The following GLCCI1 variants were observed in gnomAD, a reference collection of about 807,000 sequenced individuals.
The protein encoded by GLCCI1 is glucocorticoid induced 1.
A neutral mutation model predicts 52.2 loss-of-function variants in GLCCI1; 24 were observed. That is an observed-to-expected ratio of 0.46 (90% CI 0.33 to 0.65). The LOEUF (loss-of-function observed/expected upper bound fraction) is 0.65. Among genes scored for constraint, GLCCI1 ranks in the 30% least tolerant of loss-of-function variants. GLCCI1 has a pLI of 0.02. For missense variants in GLCCI1, 704 were observed against 701.5 expected, an observed-to-expected ratio of 1.00 and a Z score of -0.04; for synonymous variants, 310 against 276.5, an observed-to-expected ratio of 1.12 and a Z score of -1.20.
intron 2 of GLCCI1, 61 bp from the exon 3 acceptor site, chr7:8,022,422 G>C: frequency 2.2e-6 from 2 of 926,722 alleles, no homozygotes; most frequent in Non-Finnish European, 3.0e-6. Flanking sequence ...TGTTTCAGTT[G>C]CTTGAGATTA....
intron 6 of GLCCI1, chr7:8,084,645 T>A (rs1430310024): frequency 1.3e-5 from 5 of 389,344 alleles, no homozygotes; most frequent in Non-Finnish European, 2.3e-5. Context: ...ACAGCTCTGT[T>A]GTATTCAAAA....
At chr7:7,996,647 C>T (rs1780943418) in intron 1 of GLCCI1, among the ~76,000 whole-genome samples, 1 of 152,170 alleles carries the variant, frequency 6.6e-6, no homozygotes, top group Admixed American at 6.5e-5. Flanking sequence ...GAATCATGCC[C>T]AAATAGCTGC....
chr7:8,055,814 C>A, intron 4 of GLCCI1: 1 of 207,608 alleles, frequency 4.8e-6, no homozygotes, highest in South Asian at 7.7e-5. Flanking sequence ...AGGGTGAAAC[C>A]GTGTCTCTAC....
chr7:7,971,003 T>G (rs2240857), intron 1 of GLCCI1, among the ~76,000 whole-genome samples: 22,090 of 152,158 alleles, frequency 0.15, 1,748 homozygotes, highest in East Asian at 0.24. Context: ...TGCATTATGA[T>G]ACATTGCAGT....
At chr7:7,988,117 T>C (rs1780773386) in intron 1 of GLCCI1, among the ~76,000 whole-genome samples, 1 of 152,144 alleles carries the variant, frequency 6.6e-6, no homozygotes, top group Non-Finnish European at 1.5e-5. Flanking sequence ...GTCTTTCATC[T>C]CCATATGGCC....
At chr7:8,073,954 A>C (rs1418789330) in intron 6 of GLCCI1, among the ~76,000 whole-genome samples, 1 of 152,214 alleles carries the variant, frequency 6.6e-6, no homozygotes, top group Non-Finnish European at 1.5e-5. Context: ...CTAGTTCTCA[A>C]ATCAAATACC....
chr7:8,069,242 G>A (rs1014382406), intron 5 of GLCCI1, among the ~76,000 whole-genome samples: 7 of 152,160 alleles, frequency 4.6e-5, no homozygotes, highest in African/African-American at 1.4e-4. Context: ...CAGAACTGCT[G>A]CCAGTCGGTG....
At chr7:8,032,147 T>C (rs1230989863) in intron 3 of GLCCI1, among the ~76,000 whole-genome samples, 1 of 151,890 alleles carries the variant, frequency 6.6e-6, no homozygotes, top group Non-Finnish European at 1.5e-5. Context: ...TCTTAGAAAA[T>C]CCCAAATATT....
intron 1 of GLCCI1, among the ~76,000 whole-genome samples, chr7:8,000,171 G>A (rs919349302): frequency 2.6e-5 from 4 of 152,122 alleles, no homozygotes; most frequent in African/African-American, 7.2e-5. Context: ...TTGTTGTCTT[G>A]TGTTTCTTCG....
chr7:8,038,940 A>C (rs1781936320), intron 3 of GLCCI1, among the ~76,000 whole-genome samples: 2 of 152,238 alleles, frequency 1.3e-5, no homozygotes, highest in Non-Finnish European at 2.9e-5. Context: ...CCCTGTTAAA[A>C]AGTGGATAAA....
At chr7:8,012,846 T>G (rs940695913) in intron 2 of GLCCI1, among the ~76,000 whole-genome samples, 1 of 152,220 alleles carries the variant, frequency 6.6e-6, no homozygotes, top group Non-Finnish European at 1.5e-5. Context: ...GTTGGCATAT[T>G]CAAGAAATCC....
chr7:8,018,761 G>A (rs1781426097), intron 2 of GLCCI1, among the ~76,000 whole-genome samples: 1 of 152,116 alleles, frequency 6.6e-6, no homozygotes, highest in South Asian at 2.1e-4. Context: ...TTGTTCAAGT[G>A]TACAGAAGTT....
intron 1 of GLCCI1, among the ~76,000 whole-genome samples, chr7:7,989,159 T>C (rs1780792559): frequency 6.6e-6 from 1 of 152,160 alleles, no homozygotes; most frequent in South Asian, 2.1e-4. Context: ...TAATTTTTTA[T>C]AAAAATAAAG....
intron 2 of GLCCI1, 87 bp downstream of exon 2, chr7:8,004,146 C>G: frequency 8.2e-7 from 1 of 1,218,954 alleles, no homozygotes; most frequent in Non-Finnish European, 1.1e-6. Flanking sequence ...AATCAAATTT[C>G]CCCAAATTTG....
At position 8,086,096 on chromosome 7, in the gene GLCCI1, A is replaced by T; in HGVS notation, c.1299-97A>T. 1 of 1,022,624 alleles carries T rather than the reference A, an allele frequency of 9.8e-7. No individual in the cohort carries two copies. 63.3% of individuals were successfully genotyped at this position (1,022,624 alleles called of 1,614,324 possible). A position where few individuals can be genotyped will look rare whatever the true frequency, so the allele number is the denominator to read the frequency against. On this transcript the variant is annotated intron_variant, in intron 7 of 7. Coordinates refer to ENST00000223145, the MANE Select transcript of GLCCI1 (RefSeq NM_138426.4). The surrounding 1 kb of genome is among the most constrained non-coding windows in gnomAD (Gnocchi z 4.4). The stretch of plus-strand genomic sequence containing the variant: ...ACACTTAACCCATCTCCTGCCATTT[A>T]CATTTTAGCTGTTTTAGAGAACTCC...
chr7:8,087,211 G>A lies in GLCCI1; in HGVS notation c.*673G>A, dbSNP rs907744900. 1 of 152,610 alleles carries A rather than the reference G, an allele frequency of 6.6e-6. No individual in the cohort carries two copies. The allele number at this position is 152,610 out of a possible 1,614,324, so 9.5% of individuals were successfully genotyped here. On this transcript the variant is annotated 3_prime_UTR_variant, in exon 8 of 8. Coordinates refer to ENST00000223145, the MANE Select transcript of GLCCI1 (RefSeq NM_138426.4). ...ATTCCACATTCTTAGAATAAGAAGT[G>A]CATTCAATCCTAGGAGAATGATAAT...
At chr7:8,068,218 T>C (rs190667704) in intron 5 of GLCCI1, among the ~76,000 whole-genome samples, 386 of 152,222 alleles carry the variant, frequency 2.5e-3, no homozygotes, top group African/African-American at 8.7e-3. Flanking sequence ...GTCATCGTGG[T>C]GGGCACCTAT....
chr7:8,021,971 A>G (rs1239324399), intron 2 of GLCCI1, among the ~76,000 whole-genome samples: 1 of 152,096 alleles, frequency 6.6e-6, no homozygotes, highest in African/African-American at 2.4e-5. Context: ...TATGTGTTTT[A>G]TATAAAGATG....
intron 3 of GLCCI1, among the ~76,000 whole-genome samples, chr7:8,043,914 T>C (rs899141869): frequency 2.6e-5 from 4 of 151,098 alleles, no homozygotes; most frequent in Non-Finnish European, 5.9e-5. Context: ...GAGAAAGTCA[T>C]GAAAAATCAA....
Sources: allele counts gnomAD v4.1 joint callset (sites outside exome capture counted in the v4.1 genomes callset), GRCh38; gene constraint gnomAD v4.1.1; non-coding constraint Gnocchi (gnomAD v3.1); transcripts MANE v1.5; gene names NCBI Gene and HGNC (gene_info 2026-07-23, HGNC 2026-07-21).